Variants in RBM26 observed in about 807,000 individuals in gnomAD.
RBM26 encodes RNA-binding protein 26.
A neutral mutation model predicts 123.6 loss-of-function variants in RBM26; 30 were observed. That is an observed-to-expected ratio of 0.24 (90% CI 0.18 to 0.33). RBM26 has a LOEUF of 0.33. Ranked by LOEUF, RBM26 falls within the 10% of genes least tolerant of loss-of-function variation. The pLI is 1.00. For synonymous variants in RBM26, 400 were observed against 404.4 expected (o/e 0.99, Z 0.13); for missense variants, 947 against 1,203.6 (o/e 0.79, Z 3.15).
chr13:79,405,835 C>A lies in RBM26; in HGVS notation c.-61G>T, dbSNP rs1399314660. ...CCGCCCAGGTCGCGGCCGCTACAGC[C>A]GCCGCTGCCCCCGCCCCCTCCTCCG... is the stretch of plus-strand genomic sequence containing the variant. On this transcript the variant is annotated 5_prime_UTR_variant, in exon 1 of 22. Coordinates refer to ENST00000438737, the MANE Select transcript of RBM26 (RefSeq NM_001366735.2). 1.8e-6 allele frequency: 2 copies of A among 1,088,872 alleles called. No homozygotes were observed. The highest frequency in any genetic ancestry group is 2.5e-6 in the Non-Finnish European group (2 of 789,716). 67.5% of individuals were successfully genotyped at this position (1,088,872 alleles called of 1,614,324 possible).
Position 79,378,870 on chromosome 13 carries a change from G to C in RBM26, c.109C>G (p.Leu37Val), listed in dbSNP as rs1173905067. 3 of 1,613,412 alleles carry C rather than the reference G, an allele frequency of 1.9e-6. No individual in the cohort carries two copies. The highest frequency in any genetic ancestry group is 2.5e-6 in the Non-Finnish European group (3 of 1,179,554). Residue 37 changes from leucine to valine, a missense_variant, in exon 2 of 22, where the codon CTG becomes GTG. This residue lies in a region of RBM26 where 275 missense variants were observed against 361.0 expected (regional missense o/e 0.76). Coordinates refer to ENST00000438737, the MANE Select transcript of RBM26 (RefSeq NM_001366735.2). ...ADPSALAKYV[L>V]ALVKKDKSEK... ...CTTTTGTCTTTCTTTACCAAAGCCA[G>C]AACATATTTTGCTAGGGCGGATGGA...
At chr13:79,344,641 T>A (rs779940582) in intron 15 of RBM26, 28 bp downstream of exon 15, 1 of 1,589,202 alleles carries the variant, frequency 6.3e-7, no homozygotes, top group South Asian at 1.2e-5. Flanking sequence ...TATGCAAAAA[T>A]TTTTTATACT....
At chr13:79,370,464 C>T (rs1374214696) in intron 5 of RBM26, among the ~76,000 whole-genome samples, 2 of 151,904 alleles carry the variant, frequency 1.3e-5, no homozygotes. Context: ...ATGGATATAC[C>T]ACAACATGTT....
intron 21 of RBM26, 80 bp downstream of exon 21, chr13:79,322,269 A>G (rs1356525962): frequency 1.1e-5 from 10 of 904,578 alleles, no homozygotes; most frequent in African/African-American, 1.8e-5. Context: ...TTATGTTAAA[A>G]TCACGGCCAT....
At chr13:79,349,234 AAC>A (rs2072821791) in intron 14 of RBM26, among the ~76,000 whole-genome samples, 1 of 152,228 alleles carries the variant, frequency 6.6e-6, no homozygotes, top group Non-Finnish European at 1.5e-5. Context: ...TCAAGAATGC[AAC>A]ACATTGTTAT....
intron 16 of RBM26, 117 bp from the exon 17 acceptor site, chr13:79,342,948 C>A (rs749877211): frequency 2.9e-5 from 18 of 612,012 alleles, no homozygotes; most frequent in Non-Finnish European, 4.1e-5. Flanking sequence ...TTTATGCATT[C>A]GTGAGAAGGC....
chr13:79,396,760 AAT>A (rs1370416798), intron 1 of RBM26, among the ~76,000 whole-genome samples: 25 of 152,232 alleles, frequency 1.6e-4, no homozygotes, highest in African/African-American at 5.5e-4. Flanking sequence ...AATCTACCAT[AAT>A]ATAACATGAC....
intron 9 of RBM26, among the ~76,000 whole-genome samples, chr13:79,361,850 C>T (rs980587037): frequency 2.6e-5 from 4 of 152,146 alleles, no homozygotes; most frequent in African/African-American, 9.7e-5. Context: ...TTCTTATCTA[C>T]TGCCATGGCT....
intron 3 of RBM26, among the ~76,000 whole-genome samples, chr13:79,374,677 A>G (rs920351162): frequency 6.6e-6 from 1 of 151,906 alleles, no homozygotes; most frequent in African/African-American, 2.4e-5. Context: ...CCGGGTACTA[A>G]TACGACCCTT....
intron 3 of RBM26, among the ~76,000 whole-genome samples, chr13:79,372,539 A>G (rs951529071): frequency 1.3e-5 from 2 of 150,934 alleles, no homozygotes; most frequent in Non-Finnish European, 3.0e-5. Flanking sequence ...AACATAATTA[A>G]TGGAAATCCA....
chr13:79,330,311 A>G (rs2069096787), intron 20 of RBM26, among the ~76,000 whole-genome samples: 1 of 152,218 alleles, frequency 6.6e-6, no homozygotes, highest in South Asian at 2.1e-4. Context: ...GGAAAAAACT[A>G]TGAAAAGTAA....
intron 18 of RBM26, among the ~76,000 whole-genome samples, chr13:79,338,803 A>C (rs2070887567): frequency 6.6e-6 from 1 of 152,354 alleles, no homozygotes; most frequent in East Asian, 1.9e-4. Context: ...TCTGGACTAC[A>C]GTAGTGGCAA....
intron 12 of RBM26, 29 bp downstream of exon 12, chr13:79,355,191 G>A (rs9530901): frequency 0.49 from 788,644 of 1,598,696 alleles, 198,365 homozygotes; most frequent in African/African-American, 0.57. Flanking sequence ...TAAGAAATGC[G>A]CGTACTTTTA....
chr13:79,377,963 A>G (rs570127605), intron 2 of RBM26, among the ~76,000 whole-genome samples: 38 of 152,092 alleles, frequency 2.5e-4, no homozygotes, highest in African/African-American at 7.0e-4. Flanking sequence ...AAATATCCTA[A>G]TATCAACAGC....
At chr13:79,314,333 GATC>G (rs757302303), downstream of RBM26, 5 of 151,634 alleles carry the variant, frequency 3.3e-5, no homozygotes, top group Admixed American at 1.3e-4. Flanking sequence ...ATAATCCACA[GATC>G]ATCATTTGTC....
At chr13:79,373,466 ATG>A (rs2076285806) in intron 3 of RBM26, among the ~76,000 whole-genome samples, 2 of 994 alleles carry the variant, frequency 2.0e-3, no homozygotes, top group Non-Finnish European at 5.0e-3. Flanking sequence ...TATATATAAT[ATG>A]TATAAATATA....
intron 14 of RBM26, among the ~76,000 whole-genome samples, chr13:79,351,685 A>G (rs1325659444): frequency 6.6e-6 from 1 of 152,172 alleles, no homozygotes; most frequent in Non-Finnish European, 1.5e-5. Context: ...CCAAAGGAAA[A>G]CGAGCAGAAA....
chr13:79,334,532 A>C (rs964097345), intron 19 of RBM26, 102 bp from the exon 20 acceptor site: 2 of 572,710 alleles, frequency 3.5e-6, no homozygotes, highest in African/African-American at 3.9e-5. Flanking sequence ...AATATAACCC[A>C]GAATACATAA....
At chr13:79,369,066 A>T (rs1317873126) in intron 5 of RBM26, 76 bp from the exon 6 acceptor site, 5 of 944,294 alleles carry the variant, frequency 5.3e-6, no homozygotes, top group Non-Finnish European at 7.4e-6. Context: ...AGAAATAGTG[A>T]TATTTTTATA....
Sources: gnomAD v4.1 joint callset for allele counts (sites outside exome capture counted in the v4.1 genomes callset) on GRCh38, gnomAD v4.1.1 for gene constraint, gnomAD v4.1.1 regional missense constraint, MANE v1.5 for transcripts, NCBI Gene and HGNC (gene_info 2026-07-23, HGNC 2026-07-21) for gene names.